KCNT2: variants seen among roughly 807,000 people sequenced by gnomAD.
KCNT2 encodes potassium sodium-activated channel subfamily T member 2.
A neutral mutation model predicts 153.8 loss-of-function variants in KCNT2; 67 were observed. The ratio of observed to expected loss-of-function variants is 0.44; its 90% confidence interval spans 0.36 to 0.53. The LOEUF is 0.53. Ranked by LOEUF, KCNT2 falls within the 20% of genes least tolerant of loss-of-function variation. The pLI, the probability that KCNT2 is intolerant of heterozygous loss-of-function variation, is 0.00. For synonymous variants in KCNT2, 500 were observed against 458.8 expected, an observed-to-expected ratio of 1.09 and a Z score of -1.15; for missense variants, 975 against 1,354.8, an observed-to-expected ratio of 0.72 and a Z score of 4.40.
chr1:196,587,368 C>T (rs931281801), intron 1 of KCNT2, among the ~76,000 whole-genome samples: 9 of 151,940 alleles, frequency 5.9e-5, no homozygotes, highest in East Asian at 1.9e-4. Context: ...AGTTACTAAA[C>T]GCTGGAAGAG....
At chr1:196,475,160 A>G (rs1678420291) in intron 5 of KCNT2, among the ~76,000 whole-genome samples, 1 of 152,244 alleles carries the variant, frequency 6.6e-6, no homozygotes. Flanking sequence ...TCTATCCATA[A>G]ATATACATAT....
At chr1:196,372,002 T>G (rs1396908383) in intron 14 of KCNT2, among the ~76,000 whole-genome samples, 4 of 152,094 alleles carry the variant, frequency 2.6e-5, no homozygotes, top group Non-Finnish European at 4.4e-5. Flanking sequence ...TTAAAATAAT[T>G]TTTAGTACTT....
chr1:196,431,240 GAACT>G (rs1674122142), intron 8 of KCNT2, among the ~76,000 whole-genome samples: 2 of 152,094 alleles, frequency 1.3e-5, no homozygotes. Context: ...CAGCACAAAT[GAACT>G]AACACAGAAA....
At chr1:196,234,575 T>A (rs1654256012) in intron 27 of KCNT2, among the ~76,000 whole-genome samples, 1 of 151,166 alleles carries the variant, frequency 6.6e-6, no homozygotes. Context: ...CCCTAACCCA[T>A]CCTATCAGTC....
chr1:196,270,731 G>A (rs1438008635), intron 25 of KCNT2, among the ~76,000 whole-genome samples: 1 of 151,998 alleles, frequency 6.6e-6, no homozygotes, highest in Non-Finnish European at 1.5e-5. Flanking sequence ...ATATGAGTGT[G>A]TGTGTATGTG....
chr1:196,474,705 G>A (rs182912844), intron 5 of KCNT2, among the ~76,000 whole-genome samples: 8 of 152,276 alleles, frequency 5.3e-5, no homozygotes, highest in African/African-American at 1.2e-4. Context: ...TTGATTTAAC[G>A]AATGTGTGTG....
intron 5 of KCNT2, among the ~76,000 whole-genome samples, chr1:196,475,103 T>C (rs917720000): frequency 6.6e-6 from 1 of 152,198 alleles, no homozygotes; most frequent in African/African-American, 2.4e-5. Context: ...AATGCTGTAT[T>C]AAATGTATTT....
chr1:196,408,907 T>C (rs1240206510), intron 12 of KCNT2, among the ~76,000 whole-genome samples: 1 of 151,568 alleles, frequency 6.6e-6, no homozygotes, highest in Non-Finnish European at 1.5e-5. Context: ...TCAAGTTTGT[T>C]ATTAATCTAC....
chr1:196,409,947 C>A (rs1672144927), intron 12 of KCNT2, among the ~76,000 whole-genome samples: 1 of 151,688 alleles, frequency 6.6e-6, no homozygotes, highest in Non-Finnish European at 1.5e-5. Flanking sequence ...CTCCACATCA[C>A]CATCAACTCT....
At chr1:196,308,708 T>C (rs1436049171) in intron 21 of KCNT2, among the ~76,000 whole-genome samples, 2 of 151,934 alleles carry the variant, frequency 1.3e-5, no homozygotes, top group Non-Finnish European at 2.9e-5. Flanking sequence ...TTCTAGTAGG[T>C]GGCAGGGCCT....
intron 7 of KCNT2, among the ~76,000 whole-genome samples, chr1:196,465,698 G>T (rs1677554036): frequency 6.6e-6 from 1 of 151,774 alleles, no homozygotes; most frequent in African/African-American, 2.4e-5. Flanking sequence ...TACATGTTAA[G>T]CATGAACTTT....
chr1:196,602,041 T>C (rs1664781330), intron 1 of KCNT2, among the ~76,000 whole-genome samples: 1 of 152,112 alleles, frequency 6.6e-6, no homozygotes, highest in Non-Finnish European at 1.5e-5. Context: ...TTAAAAAAAA[T>C]CCCATATCCA....
chr1:196,528,671 T>C (rs1654562185), intron 1 of KCNT2, among the ~76,000 whole-genome samples: 1 of 152,162 alleles, frequency 6.6e-6, no homozygotes, highest in African/African-American at 2.4e-5. Flanking sequence ...AGTAGAGATT[T>C]CCTTCTTGCT....
At chr1:196,267,688 T>C (rs1341391792) in intron 25 of KCNT2, among the ~76,000 whole-genome samples, 1 of 152,190 alleles carries the variant, frequency 6.6e-6, no homozygotes, top group African/African-American at 2.4e-5. Context: ...GAACAGCAAC[T>C]GCTGGTTGCA....
chr1:196,484,799 C>G (rs1161011851), intron 3 of KCNT2, among the ~76,000 whole-genome samples: 2 of 151,796 alleles, frequency 1.3e-5, no homozygotes, highest in Non-Finnish European at 1.5e-5. Context: ...TTTAAAAAGT[C>G]AAGAAACAAT....
intron 3 of KCNT2, among the ~76,000 whole-genome samples, chr1:196,486,250 C>G (rs1354509902): frequency 1.3e-5 from 2 of 151,738 alleles, no homozygotes; most frequent in African/African-American, 4.8e-5. Context: ...CCATATATAT[C>G]TATATTGTAA....
chr1:196,291,208 C>T (rs527389726), intron 22 of KCNT2, among the ~76,000 whole-genome samples: 2 of 152,004 alleles, frequency 1.3e-5, no homozygotes, highest in African/African-American at 2.4e-5. Context: ...TCCTCCTCAT[C>T]CTTCAAAATA....
chr1:196,557,801 G>C (rs1658880160), intron 1 of KCNT2, among the ~76,000 whole-genome samples: 1 of 151,336 alleles, frequency 6.6e-6, no homozygotes, highest in Non-Finnish European at 1.5e-5. Context: ...CCATGATCAA[G>C]TAGGTCAATA....
chr1:196,423,127 GA>G lies in KCNT2; in HGVS notation c.1122-15del. The stretch of plus-strand genomic sequence containing the variant: ...GCGTCATCCATCCTAAATACAGATG[GA>G]AAAACAAAATAATCACACACTGAAA... On this transcript the variant is annotated splice_polypyrimidine_tract_variant and intron_variant, in intron 11 of 27. Transcript: ENST00000294725. 6.4e-7 allele frequency: 1 copy of G among 1,568,266 alleles called. No homozygotes were observed. Among genetic ancestry groups the G allele is most frequent in the Non-Finnish European group, 8.7e-7 (1 of 1,147,976 alleles).
Sources: allele counts gnomAD v4.1 joint callset (sites outside exome capture counted in the v4.1 genomes callset), GRCh38; gene constraint gnomAD v4.1.1; transcripts MANE v1.5; gene names NCBI Gene and HGNC (gene_info 2026-07-23, HGNC 2026-07-21).